The following ADGRG7 variants were observed in gnomAD, a reference collection of about 807,000 sequenced individuals.
ADGRG7 encodes the protein G-protein coupled receptor 128.
A neutral mutation model predicts 88.6 loss-of-function variants in ADGRG7; 82 were observed. The observed-to-expected ratio is 0.93, with a 90% confidence interval of 0.77 to 1.11. The LOEUF is 1.11. Among genes scored for constraint, ADGRG7 ranks in the 50% most tolerant of loss-of-function variants. The pLI is 0.00. For missense variants in ADGRG7, 945 were observed against 953.4 expected (o/e 0.99, Z 0.12); for synonymous variants, 381 against 345.2 (o/e 1.10, Z -1.15).
At position 100,670,845 on chromosome 3, in the gene ADGRG7, A is replaced by G. The variant is rs145210229; in HGVS notation, c.2136+1740A>G. Among the ~76,000 whole-genome samples, 743 of 152,152 alleles carry G rather than the reference A, an allele frequency of 4.9e-3. 6 individuals carry two copies. Among genetic ancestry groups the G allele is most frequent in the African/African-American group, 0.017 (709 of 41,496 alleles). The stretch of plus-strand genomic sequence containing the variant: ...TCTGTCCTTGTGTTAGTTTGCTGAG[A>G]ATGATGGTTTCCAGTTTCATCCATG... On this transcript the variant is annotated intron_variant, in intron 15 of 15. Transcript: ENST00000273352.
chr3:100,620,783 G>T (rs1707299781), intron 1 of ADGRG7, among the ~76,000 whole-genome samples: 1 of 151,596 alleles, frequency 6.6e-6, no homozygotes, highest in Non-Finnish European at 1.5e-5. Flanking sequence ...CCAGAAGAAA[G>T]TAAATGCAAT....
intron 13 of ADGRG7, among the ~76,000 whole-genome samples, chr3:100,656,729 C>T (rs1265699472): frequency 2.6e-5 from 4 of 152,020 alleles, no homozygotes; most frequent in Non-Finnish European, 5.9e-5. Flanking sequence ...CAAACCAACG[C>T]AAATGAAAGC....
In ADGRG7 at chr3:100,643,743, A is replaced by C. The variant is rs2149024600; in HGVS notation, c.946+110A>C. 4.4e-6 allele frequency: 3 copies of C among 680,744 alleles called. No homozygotes were observed. The East Asian group carries it at 8.3e-5, about 19-fold the overall frequency. The allele number at this position is 680,744 out of a possible 1,614,324, so 42.2% of individuals were successfully genotyped here. Reference sequence around the variant, plus strand: ...TGTCTACTTAGTTTCATACTGAGTAATTTGCATTTGAGTAAGTTTGAGCTC... The same window carrying C: ...TGTCTACTTAGTTTCATACTGAGTACTTTGCATTTGAGTAAGTTTGAGCTC... On this transcript the variant is annotated intron_variant, in intron 8 of 15. Transcript: ENST00000273352.
At position 100,643,264 on chromosome 3, in the gene ADGRG7, A is replaced by C. The variant is rs143786841; in HGVS notation, c.699-2A>C. On this transcript the variant is annotated splice_acceptor_variant, in intron 6 of 15. Coordinates refer to ENST00000273352, the MANE Select transcript of ADGRG7 (RefSeq NM_032787.3). LOFTEE classifies it high-confidence loss of function. ...TATTAAATTGTGTTTTATTATATGCAGGCTTATTGAGCAAATGGAGACTTA... is the reference window on the plus strand; with the variant it reads ...TATTAAATTGTGTTTTATTATATGCCGGCTTATTGAGCAAATGGAGACTTA... 1.2e-6 allele frequency: 2 copies of C among 1,611,900 alleles called. No homozygotes were observed.
chr3:100,635,816 C>A lies in ADGRG7; in HGVS notation c.587C>A (p.Ala196Asp), dbSNP rs747052333. 6.2e-7 allele frequency: 1 copy of A among 1,610,776 alleles called. No individual in the cohort carries two copies. ...VGQIFNTSRNASPEAKKVAIV... is the reference protein window; with the variant it reads ...VGQIFNTSRNDSPEAKKVAIV... ...CAGATATTCAACACTTCCAGAAATG[C>A]TTCACCTGAGGTAAAACTCACAGAG... Residue 196 changes from alanine to aspartate, a missense_variant, in exon 5 of 16, where the codon GCT becomes GAT. By Grantham distance (126) the Ala-to-Asp change is moderately radical. Transcript: ENST00000273352.
At chr3:100,620,362 T>C (rs1707293535) in intron 1 of ADGRG7, among the ~76,000 whole-genome samples, 1 of 152,208 alleles carries the variant, frequency 6.6e-6, no homozygotes, top group Admixed American at 6.5e-5. Context: ...TCAACAGCCC[T>C]TCATGCTAAA....
intron 14 of ADGRG7, 72 bp downstream of exon 14, chr3:100,659,915 C>A: frequency 7.1e-7 from 1 of 1,415,654 alleles, no homozygotes. Context: ...CATAACACAT[C>A]CACAGTTTCA....
At chr3:100,637,263 T>C (rs757343710) in intron 5 of ADGRG7, 39 bp from the exon 6 acceptor site, 20 of 1,260,732 alleles carry the variant, frequency 1.6e-5, no homozygotes, top group Non-Finnish European at 2.2e-5. Flanking sequence ...TAATGTATGA[T>C]ATATGCTTCT....
At chr3:100,683,380 C>T (rs997790249) in intron 15 of ADGRG7, among the ~76,000 whole-genome samples, 25 of 152,212 alleles carry the variant, frequency 1.6e-4, no homozygotes, top group African/African-American at 5.8e-4. Context: ...GGTTGTGACA[C>T]TCTCTTTAGG....
chr3:100,655,877 TG>T (rs1159584819), intron 12 of ADGRG7, 21 bp from the exon 13 acceptor site: 1 of 1,277,908 alleles, frequency 7.8e-7, no homozygotes, highest in Non-Finnish European at 1.1e-6. Flanking sequence ...TCATTAATTA[TG>T]TGCCTCTCTT....
intron 15 of ADGRG7, among the ~76,000 whole-genome samples, chr3:100,684,257 C>CTATCTATCTATT (rs146037474): frequency 6.9e-6 from 1 of 145,272 alleles, no homozygotes; most frequent in African/African-American, 2.5e-5. Context: ...TCCATTTTAT[C>CTATCTATCTATT]TATTTATTTA....
chr3:100,681,791 T>G (rs562928056), intron 15 of ADGRG7, among the ~76,000 whole-genome samples: 1 of 152,292 alleles, frequency 6.6e-6, no homozygotes, highest in South Asian at 2.1e-4. Context: ...TTCAGTAGAA[T>G]GAAAATACTT....
Position 100,695,124 on chromosome 3 carries a change from T to G in ADGRG7, c.*123T>G, listed in dbSNP as rs2095000235. ...AATGTATTTTGCTCAGGATTAAGAA[T>G]TAGATAAAACCTGTTGTTTATTATT... is the stretch of plus-strand genomic sequence containing the variant. On this transcript the variant is annotated 3_prime_UTR_variant, in exon 16 of 16. Coordinates refer to ENST00000273352, the MANE Select transcript of ADGRG7 (RefSeq NM_032787.3). 1.0e-6 allele frequency: 1 copy of G among 998,342 alleles called. No individual in the cohort carries two copies. The highest frequency in any genetic ancestry group is 2.5e-5 in the Admixed American group (1 of 40,006). The allele number at this position is 998,342 out of a possible 1,614,324, so 61.8% of individuals were successfully genotyped here.
At chr3:100,642,543 A>G (rs1269305816) in intron 6 of ADGRG7, among the ~76,000 whole-genome samples, 1 of 152,188 alleles carries the variant, frequency 6.6e-6, no homozygotes, top group African/African-American at 2.4e-5. Context: ...TAGACTGATT[A>G]TTTTACATAC....
At position 100,635,776 on chromosome 3, in the gene ADGRG7, A is replaced by G; in HGVS notation, c.547A>G (p.Thr183Ala). 6.2e-7 allele frequency: 1 copy of G among 1,613,914 alleles called. No homozygotes were observed. Among genetic ancestry groups the G allele is most frequent in the Admixed American group, 1.7e-5 (1 of 60,018 alleles). The change falls in exon 5 of 16, where the codon ACG becomes GCG. Residue 183 changes from threonine to alanine, a missense_variant. By Grantham distance (58) the Thr-to-Ala change is moderately conservative (BLOSUM62 0). Transcript: ENST00000273352. ...KLTAENITSA[T>A]RVVGQIFNTS... ...AACTGCTGAGAACATCACTAGTGCTACGCGAGTGGTTGGACAGATATTCAA... is the reference window on the plus strand; with the variant it reads ...AACTGCTGAGAACATCACTAGTGCTGCGCGAGTGGTTGGACAGATATTCAA...
At chr3:100,667,861 G>C (rs2094953785) in intron 14 of ADGRG7, among the ~76,000 whole-genome samples, 1 of 152,144 alleles carries the variant, frequency 6.6e-6, no homozygotes, top group Non-Finnish European at 1.5e-5. Flanking sequence ...CCTGCAGCTA[G>C]TTCGGTGTCT....
intron 4 of ADGRG7, among the ~76,000 whole-genome samples, chr3:100,633,777 C>T (rs1707491022): frequency 6.6e-6 from 1 of 152,162 alleles, no homozygotes; most frequent in South Asian, 2.1e-4. Flanking sequence ...CTGCCTCAGC[C>T]TCCCGAAGTG....
intron 14 of ADGRG7, among the ~76,000 whole-genome samples, chr3:100,664,559 T>C (rs2094949495): frequency 6.6e-6 from 1 of 152,204 alleles, no homozygotes; most frequent in Non-Finnish European, 1.5e-5. Context: ...GTACTTGTAA[T>C]GCAGGTTACA....
chr3:100,627,938 T>C (rs1707402880), intron 1 of ADGRG7, among the ~76,000 whole-genome samples: 1 of 152,206 alleles, frequency 6.6e-6, no homozygotes, highest in Non-Finnish European at 1.5e-5. Context: ...ATGTTGATAT[T>C]GTCCCACAGA....
Sources: gnomAD v4.1 joint callset for allele counts (sites outside exome capture counted in the v4.1 genomes callset) on GRCh38, gnomAD v4.1.1 for gene constraint, MANE v1.5 for transcripts, NCBI Gene and HGNC (gene_info 2026-07-23, HGNC 2026-07-21) for gene names.